ATP2B2: variants seen among roughly 807,000 people sequenced by gnomAD.
ATP2B2 encodes ATPase plasma membrane Ca2+ transporting 2, also known as plasma membrane calcium-transporting ATPase 2.
Under a neutral mutation model 120.0 loss-of-function variants are expected in ATP2B2, and 15 were observed. The observed-to-expected ratio is 0.12, with a 90% CI of 0.08 to 0.19. The LOEUF (loss-of-function observed/expected upper bound fraction) is 0.19, where lower values mean the gene tolerates loss of function less well. Among genes scored for constraint, ATP2B2 ranks in the 10% least tolerant of loss-of-function variants. ATP2B2 has a pLI of 1.00. For synonymous variants in ATP2B2, 694 were observed against 700.3 expected (o/e 0.99, Z 0.14); for missense variants, 1,045 against 1,719.8 (o/e 0.61, Z 6.94).
intron 2 of ATP2B2, among the ~76,000 whole-genome samples, chr3:10,541,751 G>T (rs2067444786): frequency 6.6e-6 from 1 of 152,072 alleles, no homozygotes; most frequent in Admixed American, 6.6e-5. Flanking sequence ...GCTGTTACGG[G>T]GAGCATTCTA....
At chr3:10,558,480 C>T (rs988282146) in intron 2 of ATP2B2, among the ~76,000 whole-genome samples, 2 of 152,142 alleles carry the variant, frequency 1.3e-5, no homozygotes, top group Non-Finnish European at 2.9e-5. Flanking sequence ...TTTACCACCA[C>T]GCAAGGAGAG....
chr3:10,634,182 T>C (rs1400321293), intron 1 of ATP2B2, among the ~76,000 whole-genome samples: 1 of 152,220 alleles, frequency 6.6e-6, no homozygotes, highest in African/African-American at 2.4e-5. Context: ...AACCTCCCAC[T>C]ACCAGGTGCT....
intron 1 of ATP2B2, among the ~76,000 whole-genome samples, chr3:10,674,267 G>A (rs1559515387): frequency 6.6e-6 from 1 of 152,192 alleles, no homozygotes; most frequent in African/African-American, 2.4e-5. Flanking sequence ...GGAAGAGAGC[G>A]TGTGTCTAAA....
chr3:10,687,443 G>A (rs1025312786), intron 1 of ATP2B2, among the ~76,000 whole-genome samples: 2 of 152,084 alleles, frequency 1.3e-5, no homozygotes, highest in Non-Finnish European at 2.9e-5. Context: ...TAGTATTTCA[G>A]GTCAATATAG....
chr3:10,358,664 C>A (rs2060808525), intron 14 of ATP2B2, 27 bp downstream of exon 14: 1 of 1,612,856 alleles, frequency 6.2e-7, no homozygotes, highest in South Asian at 1.1e-5. Flanking sequence ...ATCCCCTTTC[C>A]CTGAGCTCGC....
At chr3:10,528,178 C>T (rs1418506763) in intron 3 of ATP2B2, among the ~76,000 whole-genome samples, 1 of 152,172 alleles carries the variant, frequency 6.6e-6, no homozygotes. Flanking sequence ...CCTGGAAGTT[C>T]TTTTGTTCTG....
chr3:10,485,180 C>T (rs1470081332), intron 1 of ATP2B2, among the ~76,000 whole-genome samples: 1 of 152,232 alleles, frequency 6.6e-6, no homozygotes, highest in Non-Finnish European at 1.5e-5. Context: ...AGAAGAGTGG[C>T]ACCTGCTTTT....
chr3:10,350,034 G>T, intron 16 of ATP2B2, 78 bp downstream of exon 16: 1 of 1,441,068 alleles, frequency 6.9e-7, no homozygotes, highest in Non-Finnish European at 9.7e-7. Context: ...GGAAGAAGCT[G>T]CAAGTGCCAG....
At chr3:10,392,749 GTCTAAT>G (rs1559275756) in intron 5 of ATP2B2, among the ~76,000 whole-genome samples, 2 of 152,256 alleles carry the variant, frequency 1.3e-5, no homozygotes, top group Non-Finnish European at 2.9e-5. Context: ...GGGACATGGT[GTCTAAT>G]TCTGATTGCT....
intron 2 of ATP2B2, among the ~76,000 whole-genome samples, chr3:10,610,198 T>C (rs925732503): frequency 6.6e-6 from 1 of 151,838 alleles, no homozygotes; most frequent in African/African-American, 2.4e-5. Flanking sequence ...TGTAAAATTT[T>C]TTTTTATCTG....
chr3:10,573,349 T>C (rs559453142), intron 2 of ATP2B2, among the ~76,000 whole-genome samples: 1 of 152,316 alleles, frequency 6.6e-6, no homozygotes, highest in South Asian at 2.1e-4. Flanking sequence ...ATTTTGAAGT[T>C]AGTGATAAGT....
chr3:10,391,564 C>A (rs1044200832), intron 5 of ATP2B2, among the ~76,000 whole-genome samples: 4 of 152,212 alleles, frequency 2.6e-5, no homozygotes, highest in Non-Finnish European at 4.4e-5. Context: ...TCTACACCCA[C>A]ATCCGGAGGC....
At chr3:10,387,128 C>G (rs1169161640) in intron 6 of ATP2B2, among the ~76,000 whole-genome samples, 1 of 152,218 alleles carries the variant, frequency 6.6e-6, no homozygotes, top group South Asian at 2.1e-4. Flanking sequence ...TCAAACCCAG[C>G]ATGTGCACAC....
chr3:10,340,558 C>A lies in ATP2B2; in HGVS notation c.3064G>T (p.Val1022Phe). 6.2e-7 allele frequency: 1 copy of A among 1,614,238 alleles called. No homozygotes were observed. Among genetic ancestry groups the A allele is most frequent in the Non-Finnish European group, 8.5e-7 (1 of 1,180,036 alleles). ...NARKIHGERN[V>F]FDGIFRNPIF... Reference sequence around the variant, plus strand: ...GGGTTCCGGAAGATGCCGTCAAAGACATTGCGCTCGCCGTGGATCTTGCGG... The same window carrying A: ...GGGTTCCGGAAGATGCCGTCAAAGAAATTGCGCTCGCCGTGGATCTTGCGG... Residue 1022 changes from valine (V) to phenylalanine (F), a missense_variant, in exon 20 of 23, where the codon GTC becomes TTC. Around this residue, in one of 11 missense-constraint regions of ATP2B2, gnomAD observed 211 missense variants for 385.1 expected, o/e 0.55. Coordinates refer to ENST00000360273, the MANE Select transcript of ATP2B2 (RefSeq NM_001001331.4). This position sits in a 1 kb window ranked among gnomAD's most constrained non-coding sequence, Gnocchi z 5.0.
chr3:10,679,442 C>T (rs576223417), intron 1 of ATP2B2, among the ~76,000 whole-genome samples: 9 of 152,280 alleles, frequency 5.9e-5, no homozygotes, highest in African/African-American at 1.4e-4. Context: ...CTGTTCAGTA[C>T]GAATGTTCTG....
At chr3:10,549,753 G>A (rs532069742) in intron 2 of ATP2B2, among the ~76,000 whole-genome samples, 24 of 152,140 alleles carry the variant, frequency 1.6e-4, no homozygotes, top group Non-Finnish European at 7.4e-5. Flanking sequence ...CAGGCCCTGT[G>A]CTGGGACAGA....
chr3:10,342,903 C>A lies in ATP2B2; in HGVS notation c.2766G>T (p.Ser922=). The change falls in exon 19 of 23, where the codon TCG becomes TCT. Residue 922 remains serine (S), a synonymous_variant. Transcript: ENST00000360273. The surrounding 1 kb of genome is among the most constrained non-coding windows in gnomAD (Gnocchi z 4.4). ...WVNLIMDTFA[S]LALATEPPTE... ...TGGGCGGCTCAGTGGCCAGTGCCAGCGAGGCAAACGTGTCCATGATGAGGT... is the reference window on the plus strand; with the variant it reads ...TGGGCGGCTCAGTGGCCAGTGCCAGAGAGGCAAACGTGTCCATGATGAGGT... 3 of 1,614,062 alleles carry A rather than the reference C, an allele frequency of 1.9e-6. No individual in the cohort carries two copies. The highest frequency in any genetic ancestry group is 2.2e-5 in the East Asian group (1 of 44,870).
intron 2 of ATP2B2, among the ~76,000 whole-genome samples, chr3:10,439,413 T>C (rs567959113): frequency 6.6e-6 from 1 of 152,268 alleles, no homozygotes; most frequent in South Asian, 2.1e-4. Flanking sequence ...CTGAGCACCC[T>C]TTTCCTGCAC....
chr3:10,450,012 C>A (rs1237065434), intron 1 of ATP2B2, 150 bp from the exon 2 acceptor site: 1 of 280,966 alleles, frequency 3.6e-6, no homozygotes, highest in Admixed American at 4.8e-5. Context: ...CACTGTAAAT[C>A]CAATGCTACT....
Sources: gnomAD v4.1 joint callset for allele counts (sites outside exome capture counted in the v4.1 genomes callset) on GRCh38, gnomAD v4.1.1 for gene constraint, gnomAD v4.1.1 regional missense constraint, Gnocchi (gnomAD v3.1) non-coding constraint, MANE v1.5 for transcripts, NCBI Gene and HGNC (gene_info 2026-07-23, HGNC 2026-07-21) for gene names.